The following RASAL2 variants were observed in gnomAD, a reference collection of about 807,000 sequenced individuals.
RASAL2 encodes RAS protein activator like 2.
In RASAL2, 58 loss-of-function variants were observed where a neutral mutation model predicts 128.9. The observed-to-expected ratio is 0.45, with a 90% CI of 0.36 to 0.56. The LOEUF is 0.56. RASAL2 is among the 20% of genes least tolerant of loss of function. The pLI is 0.00. For synonymous variants in RASAL2, 561 were observed against 580.8 expected (o/e 0.97, Z 0.49); for missense variants, 1,360 against 1,601.6 (o/e 0.85, Z 2.57).
chr1:178,228,913 A>G (rs1571663922), intron 1 of RASAL2, among the ~76,000 whole-genome samples: 1 of 152,192 alleles, frequency 6.6e-6, no homozygotes, highest in East Asian at 1.9e-4. Context: ...ATTAATTATA[A>G]AAATCTATAT....
At chr1:178,383,715 C>A (rs186516687) in intron 3 of RASAL2, among the ~76,000 whole-genome samples, 200 of 152,256 alleles carry the variant, frequency 1.3e-3, no homozygotes, top group African/African-American at 4.6e-3. Context: ...CCTTAAATGT[C>A]TTCTGTGCAT....
At chr1:178,322,509 G>T (rs937094790) in intron 3 of RASAL2, among the ~76,000 whole-genome samples, 2 of 152,094 alleles carry the variant, frequency 1.3e-5, no homozygotes, top group African/African-American at 2.4e-5. Flanking sequence ...CATTATCTTT[G>T]ATTAGTTTCC....
intron 1 of RASAL2, among the ~76,000 whole-genome samples, chr1:178,218,595 G>C (rs1663507501): frequency 6.6e-6 from 1 of 152,228 alleles, no homozygotes; most frequent in African/African-American, 2.4e-5. Flanking sequence ...GCTGAGGCAG[G>C]AGAATTGCAT....
At chr1:178,420,669 T>C in intron 5 of RASAL2, 49 bp downstream of exon 5, 2 of 1,350,242 alleles carry the variant, frequency 1.5e-6, no homozygotes, top group Non-Finnish European at 2.1e-6. Flanking sequence ...GAGAGTGAAT[T>C]TTGTTAAGGC....
At position 178,153,490 on chromosome 1, in the gene RASAL2, G is replaced by A. The variant is rs188611406; in HGVS notation, c.202+58796G>A. ...GTCCTTATTTTCACCCCCAGATGTA[G>A]ACAACCACTAATCTACTTCTGTCTT... On this transcript the variant is annotated intron_variant, in intron 1 of 17. Coordinates refer to ENST00000367649, the MANE Select transcript of RASAL2 (RefSeq NM_170692.4). Among the ~76,000 whole-genome samples the A allele has an allele frequency of 2.0e-3, 300 of 152,236 alleles. 1 individual carries two copies. The highest frequency in any genetic ancestry group is 3.8e-3 in the Non-Finnish European group (257 of 68,016).
intron 3 of RASAL2, among the ~76,000 whole-genome samples, chr1:178,382,798 A>T (rs1377448375): frequency 1.3e-5 from 2 of 152,146 alleles, no homozygotes; most frequent in Admixed American, 6.5e-5. Context: ...TGATGTTTGT[A>T]CTTGTCGTTG....
At chr1:178,288,950 T>A (rs1468124771) in intron 2 of RASAL2, among the ~76,000 whole-genome samples, 1 of 152,000 alleles carries the variant, frequency 6.6e-6, no homozygotes. Flanking sequence ...TGAGCCCAGC[T>A]TTTTTTCTCA....
intron 3 of RASAL2, among the ~76,000 whole-genome samples, chr1:178,359,619 G>T (rs12691479): frequency 5.3e-5 from 8 of 152,026 alleles, no homozygotes; most frequent in African/African-American, 1.9e-4. Flanking sequence ...AAAAACTTGG[G>T]GTCTCTCTTC....
chr1:178,218,838 T>G (rs1046928681), intron 1 of RASAL2, among the ~76,000 whole-genome samples: 1 of 152,208 alleles, frequency 6.6e-6, no homozygotes, highest in African/African-American at 2.4e-5. Flanking sequence ...GGCTTCAACT[T>G]AAAGTCACCA....
In RASAL2 at chr1:178,420,528, C is replaced by T. The variant is rs747367109; in HGVS notation, c.582C>T (p.Arg194=). The T allele has an allele frequency of 6.2e-7, 1 of 1,611,244 alleles. No individual in the cohort carries two copies. Among genetic ancestry groups the T allele is most frequent in the Admixed American group, 1.7e-5 (1 of 59,474 alleles). Residue 194 remains arginine, a synonymous_variant, in exon 5 of 18, where the codon CGC becomes CGT. Transcript: ENST00000367649. ...CCTTCTAGGGATTCTTCAGCAAGCG[C>T]CTGAAAGGCTCCATCAAGAGGACCA... is the stretch of plus-strand genomic sequence containing the variant. ...PFKVPGFFSK[R]LKGSIKRTKS... is the part of the protein sequence containing the mutation.
intron 1 of RASAL2, among the ~76,000 whole-genome samples, chr1:178,269,021 G>T (rs575891637): frequency 6.6e-6 from 1 of 152,248 alleles, no homozygotes; most frequent in African/African-American, 2.4e-5. Flanking sequence ...GTTATTTTAT[G>T]TTGAAGCCTT....
At chr1:178,467,674 G>T (rs1055301802) in intron 17 of RASAL2, among the ~76,000 whole-genome samples, 3 of 152,214 alleles carry the variant, frequency 2.0e-5, no homozygotes, top group Admixed American at 2.0e-4. Context: ...TCAACCTAGT[G>T]CATGATGGGG....
intron 2 of RASAL2, among the ~76,000 whole-genome samples, chr1:178,292,224 A>G (rs1218573141): frequency 6.6e-6 from 1 of 152,184 alleles, no homozygotes; most frequent in Non-Finnish European, 1.5e-5. Context: ...AAAATTAATT[A>G]AAAGGGTTCT....
chr1:178,466,230 G>A (rs190452133), intron 16 of RASAL2, 108 bp downstream of exon 16: 22 of 1,052,850 alleles, frequency 2.1e-5, no homozygotes, highest in African/African-American at 1.8e-4. Context: ...TATCCTTGTG[G>A]TACTGAGTAC....
At chr1:178,267,476 C>CT (rs75591274) in intron 1 of RASAL2, among the ~76,000 whole-genome samples, 2,494 of 137,762 alleles carry the variant, frequency 0.018, 26 homozygotes, top group South Asian at 0.03. Flanking sequence ...TTTTTCCTTC[C>CT]TTTTTTTTTT....
intron 7 of RASAL2, among the ~76,000 whole-genome samples, chr1:178,442,235 C>A (rs1187841502): frequency 6.6e-6 from 1 of 152,124 alleles, no homozygotes; most frequent in African/African-American, 2.4e-5. Flanking sequence ...AGCAGTCTTA[C>A]TGCAGATATT....
intron 1 of RASAL2, among the ~76,000 whole-genome samples, chr1:178,212,011 A>AT (rs141220435): frequency 0.014 from 2,180 of 152,252 alleles, 57 homozygotes; most frequent in African/African-American, 0.049. Context: ...CTTGAGCAGT[A>AT]TTTTTTTATT....
chr1:178,266,154 GTTTTAGTTAATATTGTCCAACAGT>G (rs1317443291), intron 1 of RASAL2, among the ~76,000 whole-genome samples: 1 of 152,146 alleles, frequency 6.6e-6, no homozygotes, highest in Non-Finnish European at 1.5e-5. Flanking sequence ...TATACGTTCG[GTTTTAGTTAATATTGTCCAACAGT>G]TTTCAAAAGT....
At chr1:178,199,379 C>T (rs1247336842) in intron 1 of RASAL2, among the ~76,000 whole-genome samples, 1 of 152,204 alleles carries the variant, frequency 6.6e-6, no homozygotes, top group Admixed American at 6.5e-5. Context: ...CACCTGTCTT[C>T]TACGTTGATC....
Sources: allele counts gnomAD v4.1 joint callset (sites outside exome capture counted in the v4.1 genomes callset), GRCh38; gene constraint gnomAD v4.1.1; transcripts MANE v1.5; gene names NCBI Gene and HGNC (gene_info 2026-07-23, HGNC 2026-07-21).